GLI3: variants seen among roughly 807,000 people sequenced by gnomAD.
GLI3 encodes the protein transcription activator GLI3.
GLI3 carries 20 observed loss-of-function variants against 100.8 expected under a neutral mutation model. The observed-to-expected ratio is 0.20, with a 90% CI of 0.14 to 0.29. GLI3 has a LOEUF of 0.29. Ranked by LOEUF, GLI3 falls within the 10% of genes least tolerant of loss-of-function variation. GLI3 has a pLI of 1.00. For missense variants in GLI3, 2,040 were observed against 2,128.5 expected, an observed-to-expected ratio of 0.96 and a Z score of 0.82; for synonymous variants, 938 against 860.5, an observed-to-expected ratio of 1.09 and a Z score of -1.58.
At chr7:42,142,934 C>CAA (rs11287528) in intron 3 of GLI3, among the ~76,000 whole-genome samples, 1,150 of 76,874 alleles carry the variant, frequency 0.015, 18 homozygotes, top group African/African-American at 0.054. Flanking sequence ...ACTCTGTCTC[C>CAA]AAAAAAAAAA....
intron 3 of GLI3, among the ~76,000 whole-genome samples, chr7:42,143,246 G>C (rs565995579): frequency 6.6e-6 from 1 of 152,170 alleles, no homozygotes; most frequent in South Asian, 2.1e-4. Flanking sequence ...ATTTTCAAAG[G>C]GCGGAAAAAA....
chr7:42,168,467 A>G (rs1055724686), intron 2 of GLI3, among the ~76,000 whole-genome samples: 4 of 152,236 alleles, frequency 2.6e-5, no homozygotes, highest in Non-Finnish European at 5.9e-5. Flanking sequence ...CATTAGCAGT[A>G]GGACAGATTC....
intron 1 of GLI3, among the ~76,000 whole-genome samples, chr7:42,248,821 C>A (rs542988436): frequency 2.0e-5 from 3 of 151,638 alleles, no homozygotes; most frequent in Admixed American, 2.0e-4. Flanking sequence ...TAGGGTCTCC[C>A]TCTGTCACCC....
rs1020096922 is a variant in GLI3, at chr7:41,966,606, G to T, written c.2467C>A (p.Pro823Thr). 2 of 1,613,984 alleles carry T rather than the reference G, an allele frequency of 1.2e-6. No individual in the cohort carries two copies. The highest frequency in any genetic ancestry group is 1.7e-6 in the Non-Finnish European group (2 of 1,180,010). The change falls in exon 15 of 15, where the codon CCC becomes ACC. Residue 823 changes from proline to threonine, a missense_variant. Pro to Thr is a conservative substitution (Grantham distance 38, BLOSUM62 -1). This residue lies in a region of GLI3 where 327 missense variants were observed against 338.7 expected (regional missense o/e 0.97). Coordinates refer to ENST00000395925, the MANE Select transcript of GLI3 (RefSeq NM_000168.6). This position sits in a 1 kb window ranked among gnomAD's most constrained non-coding sequence, Gnocchi z 5.8. Reference protein sequence around the residue: ...QSNNTCSLGGPMTLLPGRSDL... With the variant: ...QSNNTCSLGGTMTLLPGRSDL... ...CTTCTGCCCGGGAGAAGCGTCATGG[G>T]CCCACCCAAGCTGCAGGTGTTGTTG...
At chr7:42,215,282 A>G (rs148059698) in intron 2 of GLI3, among the ~76,000 whole-genome samples, 2 of 152,302 alleles carry the variant, frequency 1.3e-5, no homozygotes, top group Non-Finnish European at 2.9e-5. Flanking sequence ...ATCTTACTGT[A>G]TGTGAATTTT....
chr7:42,201,072 T>A (rs1045461828), intron 2 of GLI3, among the ~76,000 whole-genome samples: 15 of 152,150 alleles, frequency 9.9e-5, no homozygotes, highest in African/African-American at 2.7e-4. Context: ...TACACTAAGT[T>A]TTTTCTTATA....
chr7:42,030,398 G>A (rs572305603), intron 7 of GLI3, among the ~76,000 whole-genome samples: 59 of 152,260 alleles, frequency 3.9e-4, no homozygotes, highest in African/African-American at 1.3e-3. Flanking sequence ...CTTTGGGGCC[G>A]TTATCCTGCC....
intron 12 of GLI3, among the ~76,000 whole-genome samples, chr7:41,973,467 T>G (rs1265894485): frequency 6.6e-6 from 1 of 152,186 alleles, no homozygotes; most frequent in Non-Finnish European, 1.5e-5. Flanking sequence ...TCATAAAAAA[T>G]TATGCGGATG....
At chr7:42,078,329 G>A (rs1165517836) in intron 3 of GLI3, among the ~76,000 whole-genome samples, 1 of 152,148 alleles carries the variant, frequency 6.6e-6, no homozygotes, top group Non-Finnish European at 1.5e-5. Flanking sequence ...TAAAGTTATA[G>A]TACATTGCTT....
intron 10 of GLI3, among the ~76,000 whole-genome samples, chr7:41,983,020 G>T (rs1218124775): frequency 4.6e-5 from 7 of 152,220 alleles, no homozygotes. Flanking sequence ...GTTCATTTAT[G>T]AATGTGGAAA....
chr7:42,003,612 A>G (rs979625625), intron 10 of GLI3, among the ~76,000 whole-genome samples: 2 of 152,226 alleles, frequency 1.3e-5, no homozygotes, highest in Admixed American at 6.5e-5. Context: ...AAAACCCGAG[A>G]TTCTTCTGGA....
At chr7:41,976,521 A>G (rs911597588) in intron 12 of GLI3, among the ~76,000 whole-genome samples, 3 of 152,196 alleles carry the variant, frequency 2.0e-5, no homozygotes, top group Non-Finnish European at 4.4e-5. Flanking sequence ...CTTTGTTTCT[A>G]TCAAGATTCT....
At position 41,965,097 on chromosome 7, in the gene GLI3, G is replaced by C; in HGVS notation, c.3976C>G (p.Gln1326Glu). 6.2e-7 allele frequency: 1 copy of C among 1,613,774 alleles called. No individual in the cohort carries two copies. The highest frequency in any genetic ancestry group is 8.5e-7 in the Non-Finnish European group (1 of 1,180,008). Reference protein sequence around the residue: ...DPVGQGYLAHQLLGDSMQHPG... With the variant: ...DPVGQGYLAHELLGDSMQHPG... ...TGCTGCATGCTGTCGCCGAGGAGCTGGTGAGCCAGGTACCCCTGTCCCACT... is the reference window on the plus strand; with the variant it reads ...TGCTGCATGCTGTCGCCGAGGAGCTCGTGAGCCAGGTACCCCTGTCCCACT... The change falls in exon 15 of 15, where the codon CAG (glutamine) becomes GAG (glutamate). Residue 1326 changes from glutamine (Q) to glutamate (E), a missense_variant. By Grantham distance (29) the Gln-to-Glu change is conservative (BLOSUM62 2). This residue lies in a region of GLI3 where 1,041 missense variants were observed against 924.0 expected (regional missense o/e 1.13). Transcript: ENST00000395925.
intron 10 of GLI3, among the ~76,000 whole-genome samples, chr7:41,999,537 T>C (rs1405881386): frequency 6.6e-6 from 1 of 152,046 alleles, no homozygotes; most frequent in Non-Finnish European, 1.5e-5. Flanking sequence ...CATCCACTCC[T>C]CTTTTACACC....
intron 2 of GLI3, among the ~76,000 whole-genome samples, chr7:42,219,014 G>A (rs960125336): frequency 1.3e-5 from 2 of 152,078 alleles, no homozygotes; most frequent in African/African-American, 4.8e-5. Flanking sequence ...GGAAGATTTA[G>A]ATGAAAAAAA....
intron 3 of GLI3, among the ~76,000 whole-genome samples, chr7:42,109,650 C>T (rs1031698649): frequency 1.3e-5 from 2 of 152,142 alleles, no homozygotes; most frequent in Non-Finnish European, 2.9e-5. Context: ...TTTGGAAAAC[C>T]TTGTTTTCCC....
At position 42,171,555 on chromosome 7, in the gene GLI3, C is replaced by T. The variant is rs527315251; in HGVS notation, c.125-23087G>A. On this transcript the variant is annotated intron_variant, in intron 2 of 14. Coordinates refer to ENST00000395925, the MANE Select transcript of GLI3 (RefSeq NM_000168.6). ...TGTTCTTCAATATTTTTCAGACTTT[C>T]CACAATGATTATTGCTTTTGTTATT... Among the ~76,000 whole-genome samples, 13 of 152,324 alleles carry T rather than the reference C, an allele frequency of 8.5e-5. No individual in the cohort carries two copies. The South Asian group carries it at 2.7e-3, about 32-fold the overall frequency.
intron 3 of GLI3, among the ~76,000 whole-genome samples, chr7:42,097,990 C>T (rs577254359): frequency 6.6e-6 from 1 of 152,284 alleles, no homozygotes; most frequent in East Asian, 1.9e-4. Context: ...GATATTATCT[C>T]CTCTTTGCGG....
At position 42,113,256 on chromosome 7, in the gene GLI3, C is replaced by T. The variant is rs541121048; in HGVS notation, c.367+34970G>A. ...CTGGTGAGTAAGAAATACAGAAGTA[C>T]GGAGCAGTGTGAAGAAGAAGAGGCG... On this transcript the variant is annotated intron_variant, in intron 3 of 14. Transcript: ENST00000395925. The T allele has an allele frequency of 9.1e-5, 46 of 505,698 alleles. No homozygotes were observed. In the East Asian group the frequency reaches 1.7e-3, roughly 19 times the overall value. 31.3% of individuals were successfully genotyped at this position (505,698 alleles called of 1,614,324 possible). A position where few individuals can be genotyped will look rare whatever the true frequency, so the allele number is the denominator to read the frequency against.
Sources: allele counts gnomAD v4.1 joint callset (sites outside exome capture counted in the v4.1 genomes callset), GRCh38; gene constraint gnomAD v4.1.1; regional missense constraint gnomAD v4.1.1; non-coding constraint Gnocchi (gnomAD v3.1); transcripts MANE v1.5; gene names NCBI Gene and HGNC (gene_info 2026-07-23, HGNC 2026-07-21).